The following UBR1 variants were observed in gnomAD, a reference collection of about 807,000 sequenced individuals.
The protein encoded by UBR1 is E3 ubiquitin-protein ligase UBR1.
UBR1 carries 102 observed loss-of-function variants against 242.1 expected under a neutral mutation model. That is an observed-to-expected ratio of 0.42 (90% CI 0.36 to 0.50). The LOEUF (loss-of-function observed/expected upper bound fraction) is 0.50, where lower values mean the gene tolerates loss of function less well. UBR1 is among the 20% of genes least tolerant of loss of function. UBR1 has a pLI of 0.01. For synonymous variants in UBR1, 675 were observed against 684.8 expected, an observed-to-expected ratio of 0.99 and a Z score of 0.22; for missense variants, 1,772 against 2,101.8, an observed-to-expected ratio of 0.84 and a Z score of 3.07.
rs1381229285 is a variant in UBR1, at chr15:42,943,628, A to G, written c.*1701T>C. The G allele has an allele frequency of 6.6e-6, 1 of 152,196 alleles. No homozygotes were observed. Among genetic ancestry groups the G allele is most frequent in the Non-Finnish European group, 1.5e-5 (1 of 68,034 alleles). 9.4% of individuals were successfully genotyped at this position (152,196 alleles called of 1,614,324 possible). A position where few individuals can be genotyped will look rare whatever the true frequency, so the allele number is the denominator to read the frequency against. Reference sequence around the variant, plus strand: ...ATCTTTGCTAAATTGGGGCCCATCTATTAGGGTAGAAGTCAGTATCTTCTG... The same window carrying G: ...ATCTTTGCTAAATTGGGGCCCATCTGTTAGGGTAGAAGTCAGTATCTTCTG... On this transcript the variant is annotated 3_prime_UTR_variant, in exon 47 of 47. Coordinates refer to ENST00000290650, the MANE Select transcript of UBR1 (RefSeq NM_174916.3).
At chr15:43,104,381 C>T (rs888164774) in intron 1 of UBR1, among the ~76,000 whole-genome samples, 10 of 152,208 alleles carry the variant, frequency 6.6e-5, no homozygotes, top group Non-Finnish European at 1.5e-4. Flanking sequence ...CCCACTCCTT[C>T]TAACAAGCAA....
At chr15:42,973,191 T>A (rs770999300) in intron 39 of UBR1, among the ~76,000 whole-genome samples, 7 of 152,240 alleles carry the variant, frequency 4.6e-5, no homozygotes, top group Non-Finnish European at 1.0e-4. Context: ...AGAGACGGGA[T>A]CTTGCTATGT....
At chr15:42,974,423 A>T (rs1347476333) in intron 39 of UBR1, among the ~76,000 whole-genome samples, 1 of 152,050 alleles carries the variant, frequency 6.6e-6, no homozygotes, top group African/African-American at 2.4e-5. Flanking sequence ...TATTTCATTG[A>T]TCTATTTGTC....
intron 4 of UBR1, among the ~76,000 whole-genome samples, chr15:43,073,710 T>G (rs899286588): frequency 7.2e-5 from 11 of 152,206 alleles, no homozygotes; most frequent in Admixed American, 6.5e-4. Context: ...ATATTGGTTA[T>G]TTATTGTTTT....
At chr15:43,034,293 T>C (rs2033301085) in intron 19 of UBR1, among the ~76,000 whole-genome samples, 1 of 148,136 alleles carries the variant, frequency 6.8e-6, no homozygotes, top group Admixed American at 6.7e-5. Flanking sequence ...GATAAATAAA[T>C]GAGCTGGGCG....
intron 29 of UBR1, 67 bp from the exon 30 acceptor site, chr15:43,007,351 T>C: frequency 2.8e-6 from 4 of 1,429,382 alleles, no homozygotes; most frequent in South Asian, 1.2e-5. Flanking sequence ...TTTTGGTAGA[T>C]TTTAAGTAAC....
chr15:43,096,946 T>C (rs980351041), intron 1 of UBR1, among the ~76,000 whole-genome samples: 1 of 152,046 alleles, frequency 6.6e-6, no homozygotes, highest in Non-Finnish European at 1.5e-5. Context: ...CCACAAACTA[T>C]GAATGTTCCT....
In UBR1 at chr15:43,007,215, C is replaced by T; in HGVS notation, c.3279G>A (p.Lys1093=). The change falls in exon 30 of 47, where the codon AAG becomes AAA. Residue 1093 remains lysine (K), a synonymous_variant. Coordinates refer to ENST00000290650, the MANE Select transcript of UBR1 (RefSeq NM_174916.3). ...GGCAAAGGATGCACGTCAGCACCTC[C>T]TTTTCAGTAACAGATGGACCCCGTT... ...GPKRGPSVTE[K]EVLTCILCQE... The T allele has an allele frequency of 1.2e-6, 2 of 1,614,120 alleles. No homozygotes were observed. Among genetic ancestry groups the T allele is most frequent in the Non-Finnish European group, 1.7e-6 (2 of 1,180,026 alleles).
intron 9 of UBR1, among the ~76,000 whole-genome samples, chr15:43,058,718 T>C (rs1403726352): frequency 1.3e-5 from 2 of 152,216 alleles, no homozygotes; most frequent in Non-Finnish European, 2.9e-5. Context: ...TCCTTCTCCA[T>C]GCTTTTAGCC....
intron 45 of UBR1, 102 bp from the exon 46 acceptor site, chr15:42,950,465 T>C: frequency 2.2e-6 from 2 of 922,098 alleles, no homozygotes; most frequent in South Asian, 1.4e-5. Flanking sequence ...CAATATCTGT[T>C]AGATATTCAG....
intron 39 of UBR1, among the ~76,000 whole-genome samples, chr15:42,971,129 A>G (rs942076268): frequency 2.0e-5 from 3 of 152,238 alleles, no homozygotes; most frequent in African/African-American, 7.2e-5. Context: ...TGGATGTTTA[A>G]TATTTACTTG....
At chr15:43,049,872 GCAGCAC>G (rs2033532486) in intron 12 of UBR1, among the ~76,000 whole-genome samples, 2 of 152,116 alleles carry the variant, frequency 1.3e-5, no homozygotes, top group South Asian at 2.1e-4. Context: ...CCACTAACCA[GCAGCAC>G]CAGCCTCACC....
chr15:43,034,167 G>A (rs1462725767), intron 19 of UBR1, among the ~76,000 whole-genome samples: 1 of 151,856 alleles, frequency 6.6e-6, no homozygotes, highest in Non-Finnish European at 1.5e-5. Context: ...GAACCCAGGA[G>A]GTGGAGGCTG....
intron 42 of UBR1, among the ~76,000 whole-genome samples, chr15:42,963,561 T>G (rs1405233585): frequency 6.6e-6 from 1 of 152,134 alleles, no homozygotes; most frequent in African/African-American, 2.4e-5. Context: ...GTCACTCTCC[T>G]GATACATGCG....
chr15:43,104,133 C>T (rs979760111), intron 1 of UBR1, among the ~76,000 whole-genome samples: 2 of 152,150 alleles, frequency 1.3e-5, no homozygotes, highest in African/African-American at 4.8e-5. Context: ...AATCTACCTA[C>T]TACTTTGCAA....
chr15:42,949,691 C>A (rs932140653), intron 46 of UBR1, among the ~76,000 whole-genome samples: 1 of 150,456 alleles, frequency 6.6e-6, no homozygotes, highest in African/African-American at 2.4e-5. Flanking sequence ...CCCAGCTACT[C>A]GGGAGGCTGA....
At chr15:42,962,460 A>G (rs1394345923) in intron 42 of UBR1, among the ~76,000 whole-genome samples, 1 of 151,868 alleles carries the variant, frequency 6.6e-6, no homozygotes, top group Non-Finnish European at 1.5e-5. Flanking sequence ...GCCCCACAAG[A>G]CAGACAGAGC....
intron 15 of UBR1, among the ~76,000 whole-genome samples, chr15:43,042,834 T>C (rs2033436926): frequency 6.6e-6 from 1 of 152,200 alleles, no homozygotes; most frequent in East Asian, 1.9e-4. Flanking sequence ...GGAGAATCTA[T>C]GATTTCTTCC....
chr15:43,103,741 T>C (rs2034265434), intron 1 of UBR1, among the ~76,000 whole-genome samples: 1 of 152,222 alleles, frequency 6.6e-6, no homozygotes, highest in South Asian at 2.1e-4. Flanking sequence ...TAGACTCTAA[T>C]GGAAATTGTA....
Sources: allele counts gnomAD v4.1 joint callset (sites outside exome capture counted in the v4.1 genomes callset), GRCh38; gene constraint gnomAD v4.1.1; transcripts MANE v1.5; gene names NCBI Gene and HGNC (gene_info 2026-07-23, HGNC 2026-07-21).